Variants in CYTL1 observed in about 807,000 individuals in gnomAD.
CYTL1 encodes the protein cytokine-like protein 1.
A neutral mutation model predicts 13.1 loss-of-function variants in CYTL1; 17 were observed. That is an observed-to-expected ratio of 1.29 (90% CI 0.89 to 1.94). The LOEUF is 1.94. CYTL1 is among the 30% of genes most tolerant of loss of function. CYTL1 has a pLI of 0.00. For missense variants in CYTL1, 213 were observed against 174.8 expected (o/e 1.22, Z -1.23); for synonymous variants, 91 against 79.4 (o/e 1.15, Z -0.78).
chr4:5,016,968 G>T lies in CYTL1; in HGVS notation c.199-4C>A. The T allele has an allele frequency of 6.2e-7, 1 of 1,614,164 alleles. No individual in the cohort carries two copies. The highest frequency in any genetic ancestry group is 8.5e-7 in the Non-Finnish European group (1 of 1,180,042). ...GCTTGTCCAGCACACAGTAATTCTG[G>T]GAGTGGGCAATGGGGAGGGGGCTTG... On this transcript the variant is annotated splice_polypyrimidine_tract_variant and splice_region_variant and intron_variant, in intron 2 of 3. Transcript: ENST00000307746.
chr4:5,015,226 T>G lies in CYTL1; in HGVS notation c.336A>C (p.Val112=). Residue 112 remains valine, a synonymous_variant, in exon 4 of 4, where the codon GTA becomes GTC. Transcript: ENST00000307746. ...IMNSFCRRDL[V]FLLDDCNALE... is the part of the protein sequence containing the mutation. ...AGGCATTGCAGTCATCCAACAGGAA[T>G]ACCAAATCCTGAAAAAGATGTGCAA... 3 of 1,612,700 alleles carry G rather than the reference T, an allele frequency of 1.9e-6. No individual in the cohort carries two copies. In the East Asian group the frequency reaches 6.7e-5, roughly 36 times the overall value.
At position 5,016,868 on chromosome 4, in the gene CYTL1, G is replaced by T. The variant is rs150910491; in HGVS notation, c.295C>A (p.Leu99Met). The change falls in exon 3 of 4, where the codon CTG (leucine) becomes ATG (methionine). Residue 99 changes from leucine to methionine, a missense_variant. Coordinates refer to ENST00000307746, the MANE Select transcript of CYTL1 (RefSeq NM_018659.3). Reference protein sequence around the residue: ...VDSLKDKARKLYTIMNSFCRR... With the variant: ...VDSLKDKARKMYTIMNSFCRR... ...CAGAACGAGTTCATGATGGTGTACA[G>T]CTTCCGTGCTTTGTCCTTCAAGGAA... The T allele has an allele frequency of 1.2e-6, 2 of 1,614,118 alleles. No individual in the cohort carries two copies. Among genetic ancestry groups the T allele is most frequent in the Non-Finnish European group, 1.7e-6 (2 of 1,180,052 alleles).
At chr4:5,015,275 GGTCACGGA>G in intron 3 of CYTL1, 41 bp from the exon 4 acceptor site, 1 of 1,515,200 alleles carries the variant, frequency 6.6e-7, no homozygotes. Context: ...TACTGAAGGT[GGTCACGGA>G]GTCCATATGC....
intron 1 of CYTL1, among the ~76,000 whole-genome samples, 164 bp from the exon 2 acceptor site, chr4:5,017,343 C>T (rs1214389084): frequency 6.6e-6 from 1 of 152,210 alleles, no homozygotes; most frequent in Non-Finnish European, 1.5e-5. Context: ...CACACTCCTC[C>T]AGAAATGGGC....
Position 5,019,433 on chromosome 4 carries a change from C to G in CYTL1, c.13G>C (p.Gly5Arg). The G allele has an allele frequency of 6.8e-7, 1 of 1,473,094 alleles. No individual in the cohort carries two copies. The highest frequency in any genetic ancestry group is 8.9e-7 in the Non-Finnish European group (1 of 1,120,094). 91.3% of individuals were successfully genotyped at this position (1,473,094 alleles called of 1,614,324 possible). A position where few individuals can be genotyped will look rare whatever the true frequency, so the allele number is the denominator to read the frequency against. Residue 5 changes from glycine to arginine, a missense_variant, in exon 1 of 4, where the codon GGG (glycine) becomes CGG (arginine). Coordinates refer to ENST00000307746, the MANE Select transcript of CYTL1 (RefSeq NM_018659.3). ...AGCAGCAGCAGCACGGGCAGAGGCC[C>G]AGGCGTCCTCATGGTGCCAGGCGCT... MRTP[G>R]PLPVLLLLLA...
At chr4:5,017,654 A>G (rs999825677) in intron 1 of CYTL1, among the ~76,000 whole-genome samples, 2 of 150,692 alleles carry the variant, frequency 1.3e-5, no homozygotes, top group Non-Finnish European at 3.0e-5. Flanking sequence ...ATATAAGTAT[A>G]TTAGCTATAT....
chr4:5,019,423 G>A lies in CYTL1; in HGVS notation c.23C>T (p.Pro8Leu). The part of the protein sequence containing the change: MRTPGPL[P>L]VLLLLLAGAP... ...TCCCGCCAGGAGCAGCAGCAGCACG[G>A]GCAGAGGCCCAGGCGTCCTCATGGT... Residue 8 changes from proline to leucine, a missense_variant, in exon 1 of 4, where the codon CCC becomes CTC. Pro to Leu is a moderately conservative substitution (Grantham distance 98). Coordinates refer to ENST00000307746, the MANE Select transcript of CYTL1 (RefSeq NM_018659.3). 6.7e-7 allele frequency: 1 copy of A among 1,483,676 alleles called. No individual in the cohort carries two copies. The highest frequency in any genetic ancestry group is 8.9e-7 in the Non-Finnish European group (1 of 1,124,428). 91.9% of individuals were successfully genotyped at this position (1,483,676 alleles called of 1,614,324 possible).
intron 1 of CYTL1, 94 bp downstream of exon 1, chr4:5,019,199 T>G: frequency 1.8e-6 from 2 of 1,103,040 alleles, no homozygotes; most frequent in Non-Finnish European, 2.4e-6. Context: ...AAATATCCTT[T>G]TCTCTCTCTC....
At chr4:5,017,863 GAAGGGCAAAAGC>G in intron 1 of CYTL1, among the ~76,000 whole-genome samples, 1 of 152,322 alleles carries the variant, frequency 6.6e-6, no homozygotes, top group African/African-American at 2.4e-5. Context: ...GCGCAGGGCT[GAAGGGCAAAAGC>G]CCTCGTGCTC....
At chr4:5,019,178 C>T (rs1218134717) in intron 1 of CYTL1, 115 bp downstream of exon 1, 12 of 977,072 alleles carry the variant, frequency 1.2e-5, no homozygotes, top group Middle Eastern at 2.3e-4. Flanking sequence ...TTTACATTTA[C>T]TAGAAAAGAA....
Position 5,019,363 on chromosome 4 carries a change from T to TA in CYTL1, c.82dup (p.Tyr28LeufsTer90). 6.6e-7 allele frequency: 1 copy of TA among 1,507,624 alleles called. No individual in the cohort carries two copies. The highest frequency in any genetic ancestry group is 8.8e-7 in the Non-Finnish European group (1 of 1,135,084). 93.4% of individuals were successfully genotyped at this position (1,507,624 alleles called of 1,614,324 possible). ...CTGGCTCAGGGCCCGCATGCGGGAG[T>TA]AGCAGGTCGGGGGAGTGGGCCGCGC... is the stretch of plus-strand genomic sequence containing the variant. On this transcript the variant is annotated frameshift_variant, in exon 1 of 4. Transcript: ENST00000307746. LOFTEE classifies it high-confidence loss of function.
At chr4:5,017,455 C>A (rs1741098411) in intron 1 of CYTL1, among the ~76,000 whole-genome samples, 3 of 152,070 alleles carry the variant, frequency 2.0e-5, no homozygotes, top group Admixed American at 2.0e-4. Flanking sequence ...AATATACATA[C>A]ACGTATATAC....
Position 5,017,176 on chromosome 4 carries a change from G to A in CYTL1, c.157C>T (p.Pro53Ser). 3 of 1,613,930 alleles carry A rather than the reference G, an allele frequency of 1.9e-6. No homozygotes were observed. Among genetic ancestry groups the A allele is most frequent in the Admixed American group, 1.7e-5 (1 of 59,992 alleles). Residue 53 changes from proline (P) to serine (S), a missense_variant, in exon 2 of 4, where the codon CCA becomes TCA. By Grantham distance (74) the Pro-to-Ser change is moderately conservative. Coordinates refer to ENST00000307746, the MANE Select transcript of CYTL1 (RefSeq NM_018659.3). The part of the protein sequence containing the change: ...NLLQVSEPSE[P>S]CVRYLPRLYL... ...AGCCTGGGCAGGTATCTCACACATG[G>A]CTCCTGTGGAAAGGGATAAGGGGTT...
chr4:5,014,688 T>C lies in CYTL1; in HGVS notation c.*463A>G, dbSNP rs1741030704. The C allele has an allele frequency of 5.4e-6, 1 of 186,814 alleles. No individual in the cohort carries two copies. Among genetic ancestry groups the C allele is most frequent in the African/African-American group, 2.4e-5 (1 of 41,654 alleles). The allele number at this position is 186,814 out of a possible 1,614,324, so 11.6% of individuals were successfully genotyped here. A position where few individuals can be genotyped will look rare whatever the true frequency, so the allele number is the denominator to read the frequency against. ...AATATATATCTTAAGAGCATTAATT[T>C]CTTTTTAAATGAAAGACAGTGAAGA... On this transcript the variant is annotated 3_prime_UTR_variant, in exon 4 of 4. Transcript: ENST00000307746.
In CYTL1 at chr4:5,019,345, A is replaced by G; in HGVS notation, c.101T>C (p.Leu34Pro). 1 of 1,511,576 alleles carries G rather than the reference A, an allele frequency of 6.6e-7. No individual in the cohort carries two copies. Among genetic ancestry groups the G allele is most frequent in the Non-Finnish European group, 8.8e-7 (1 of 1,137,376 alleles). The allele number at this position is 1,511,576 out of a possible 1,614,324, so 93.6% of individuals were successfully genotyped here. The change falls in exon 1 of 4, where the codon CTG (leucine) becomes CCG (proline). Residue 34 changes from leucine (L) to proline (P), a missense_variant. By Grantham distance (98) the Leu-to-Pro change is moderately conservative. Coordinates refer to ENST00000307746, the MANE Select transcript of CYTL1 (RefSeq NM_018659.3). The part of the protein sequence containing the change: ...PPTCYSRMRA[L>P]SQEITRDFNL... ...GAAGTCGCGGGTGATCTCCTGGCTC[A>G]GGGCCCGCATGCGGGAGTAGCAGGT... is the stretch of plus-strand genomic sequence containing the variant.
At chr4:5,017,281 T>G in intron 1 of CYTL1, 102 bp from the exon 2 acceptor site, 1 of 1,111,278 alleles carries the variant, frequency 9.0e-7, no homozygotes, top group Non-Finnish European at 1.3e-6. Context: ...CCCAGATCCC[T>G]GGGGCCCTCC....
intron 3 of CYTL1, 55 bp from the exon 4 acceptor site, chr4:5,015,289 TA>T (rs1307662898): frequency 7.3e-7 from 1 of 1,373,356 alleles, no homozygotes; most frequent in Non-Finnish European, 1.0e-6. Context: ...ACGGAGTCCA[TA>T]TGCAACTGTA....
intron 1 of CYTL1, among the ~76,000 whole-genome samples, chr4:5,017,719 G>A (rs971604892): frequency 3.3e-4 from 50 of 151,708 alleles, no homozygotes; most frequent in African/African-American, 1.1e-3. Context: ...ACATAAGTAC[G>A]ATATATGTAA....
Position 5,015,337 on chromosome 4 carries a change from C to T in CYTL1, c.328-103G>A, listed in dbSNP as rs556267205. On this transcript the variant is annotated intron_variant, in intron 3 of 3. Coordinates refer to ENST00000307746, the MANE Select transcript of CYTL1 (RefSeq NM_018659.3). ...TATCCTCAAAGGCCATTCAGTTGTTCCTCTTTCTGTAAAAACTTCCCATGC... is the reference window on the plus strand; with the variant it reads ...TATCCTCAAAGGCCATTCAGTTGTTTCTCTTTCTGTAAAAACTTCCCATGC... 33 of 871,246 alleles carry T rather than the reference C, an allele frequency of 3.8e-5. No individual in the cohort carries two copies. The South Asian group carries it at 5.1e-4, about 13-fold the overall frequency. The allele number at this position is 871,246 out of a possible 1,614,324, so 54.0% of individuals were successfully genotyped here.
Sources: gnomAD v4.1 joint callset for allele counts (sites outside exome capture counted in the v4.1 genomes callset) on GRCh38, gnomAD v4.1.1 for gene constraint, MANE v1.5 for transcripts, NCBI Gene and HGNC (gene_info 2026-07-23, HGNC 2026-07-21) for gene names.